The following KCNMB4 variants were observed in gnomAD, a reference collection of about 807,000 sequenced individuals.
KCNMB4 encodes the protein calcium-activated potassium channel subunit beta-4.
A neutral mutation model predicts 20.7 loss-of-function variants in KCNMB4; 3 were observed. The ratio of observed to expected loss-of-function variants is 0.14; its 90% CI spans 0.07 to 0.37. KCNMB4 has a LOEUF of 0.37. Ranked by LOEUF, KCNMB4 falls within the 10% of genes least tolerant of loss-of-function variation. The pLI, the probability that KCNMB4 is intolerant of heterozygous loss-of-function variation, is 1.00. For synonymous variants in KCNMB4, 110 were observed against 113.4 expected, an observed-to-expected ratio of 0.97 and a Z score of 0.19; for missense variants, 168 against 265.9, an observed-to-expected ratio of 0.63 and a Z score of 2.56.
In KCNMB4 at chr12:70,429,385, G is replaced by A. The variant is rs181000443; in HGVS notation, c.465-1100G>A. ...TCTTGTATTAAAAAGTTAAAATTCC[G>A]GCCGGGTGCGGTGACTCACGCCTGT... is the stretch of plus-strand genomic sequence containing the variant. On this transcript the variant is annotated intron_variant, in intron 2 of 2. Coordinates refer to ENST00000258111, the MANE Select transcript of KCNMB4 (RefSeq NM_014505.6). Among the ~76,000 whole-genome samples the A allele has an allele frequency of 8.7e-4, 132 of 152,170 alleles. 1 individual carries two copies. The highest frequency in any genetic ancestry group is 2.8e-3 in the African/African-American group (118 of 41,510).
At chr12:70,397,776 A>C (rs567189014) in intron 1 of KCNMB4, among the ~76,000 whole-genome samples, 18 of 152,324 alleles carry the variant, frequency 1.2e-4, no homozygotes, top group Admixed American at 1.2e-3. Flanking sequence ...AAATATTTAA[A>C]ATCTGTTTTG....
chr12:70,386,901 G>A (rs149536107), intron 1 of KCNMB4, among the ~76,000 whole-genome samples: 101 of 152,228 alleles, frequency 6.6e-4, no homozygotes, highest in African/African-American at 2.3e-3. Flanking sequence ...AGATATTTTG[G>A]TTAGTGAAAG....
rs1379749132 is a variant in KCNMB4 at position 70,430,605 on chromosome 12, G to A, written c.585G>A (p.Lys195=). The change falls in exon 3 of 3, where the codon AAG becomes AAA. Residue 195 remains lysine (K), a synonymous_variant. Transcript: ENST00000258111. The part of the protein sequence containing the change: ...VLIVVLTICA[K]SLAVKAEAMK... ...TTGTGGTCCTGACCATCTGTGCCAA[G>A]AGCTTGGCGGTCAAGGCGGAAGCCA... 7.4e-6 allele frequency: 12 copies of A among 1,613,050 alleles called. No homozygotes were observed. The highest frequency in any genetic ancestry group is 1.1e-5 in the South Asian group (1 of 90,664).
At chr12:70,410,025 A>G (rs539589655) in intron 2 of KCNMB4, among the ~76,000 whole-genome samples, 2 of 152,290 alleles carry the variant, frequency 1.3e-5, no homozygotes, top group African/African-American at 2.4e-5. Context: ...TCTGTTTCCC[A>G]TACACCTTGA....
intron 2 of KCNMB4, among the ~76,000 whole-genome samples, chr12:70,427,790 C>A (rs573991573): frequency 6.7e-4 from 102 of 152,208 alleles, no homozygotes; most frequent in Middle Eastern, 6.8e-3. Flanking sequence ...CCACCACTGT[C>A]ATCTGGGCTA....
chr12:70,396,120 C>T (rs1296821797), intron 1 of KCNMB4, among the ~76,000 whole-genome samples: 1 of 152,112 alleles, frequency 6.6e-6, no homozygotes, highest in East Asian at 1.9e-4. Flanking sequence ...AATTCCATTC[C>T]AATAAAAATA....
intron 2 of KCNMB4, among the ~76,000 whole-genome samples, chr12:70,422,117 A>C (rs1869082908): frequency 6.6e-6 from 1 of 152,182 alleles, no homozygotes; most frequent in African/African-American, 2.4e-5. Context: ...TGGAACTACA[A>C]AGTAGGTTAA....
intron 2 of KCNMB4, among the ~76,000 whole-genome samples, chr12:70,428,219 C>G (rs1230521053): frequency 6.6e-6 from 1 of 152,114 alleles, no homozygotes; most frequent in Non-Finnish European, 1.5e-5. Flanking sequence ...GTCTTGAACT[C>G]CTCATCTCAA....
chr12:70,413,000 C>G (rs17108123), intron 2 of KCNMB4, among the ~76,000 whole-genome samples: 4 of 152,072 alleles, frequency 2.6e-5, no homozygotes, highest in Admixed American at 6.5e-5. Context: ...GGAATCTTAC[C>G]GAAACCAAGT....
At chr12:70,401,493 A>G (rs1868448872) in intron 2 of KCNMB4, among the ~76,000 whole-genome samples, 1 of 152,214 alleles carries the variant, frequency 6.6e-6, no homozygotes, top group Non-Finnish European at 1.5e-5. Context: ...CTGCCAAGGT[A>G]ATCTTTCTAA....
At chr12:70,416,901 T>C (rs1868926948) in intron 2 of KCNMB4, among the ~76,000 whole-genome samples, 1 of 152,152 alleles carries the variant, frequency 6.6e-6, no homozygotes, top group African/African-American at 2.4e-5. Context: ...AACCGGTGTG[T>C]AATACACTTT....
At chr12:70,384,679 G>A (rs772142817) in intron 1 of KCNMB4, among the ~76,000 whole-genome samples, 4 of 152,140 alleles carry the variant, frequency 2.6e-5, no homozygotes, top group Non-Finnish European at 4.4e-5. Flanking sequence ...GAGGAGAGGA[G>A]TTTGAGGCCA....
At chr12:70,409,992 C>CTGCA (rs1408853301) in intron 2 of KCNMB4, among the ~76,000 whole-genome samples, 1 of 152,206 alleles carries the variant, frequency 6.6e-6, no homozygotes, top group Non-Finnish European at 1.5e-5. Flanking sequence ...TTTATTCCAG[C>CTGCA]TGCATCAGTC....
intron 2 of KCNMB4, among the ~76,000 whole-genome samples, chr12:70,428,662 T>C (rs1037074308): frequency 1.6e-4 from 24 of 152,198 alleles, no homozygotes; most frequent in African/African-American, 5.8e-4. Flanking sequence ...TCTTGAAAAT[T>C]TGCATGGATA....
intron 2 of KCNMB4, among the ~76,000 whole-genome samples, chr12:70,407,217 T>A (rs900982289): frequency 2.6e-5 from 4 of 152,068 alleles, no homozygotes; most frequent in African/African-American, 9.7e-5. Context: ...CAGTTTATTA[T>A]AAAGGACACA....
intron 1 of KCNMB4, among the ~76,000 whole-genome samples, chr12:70,384,873 C>CAAAAA (rs57306622): frequency 7.9e-4 from 59 of 74,290 alleles, no homozygotes; most frequent in African/African-American, 2.8e-3. Context: ...GACCCTGTCT[C>CAAAAA]AAAAAAAAAA....
intron 1 of KCNMB4, among the ~76,000 whole-genome samples, chr12:70,375,406 A>G (rs901149627): frequency 6.6e-6 from 1 of 151,862 alleles, no homozygotes; most frequent in Admixed American, 6.6e-5. Flanking sequence ...AGGTTGAGGC[A>G]GGAGGATTGC....
intron 1 of KCNMB4, among the ~76,000 whole-genome samples, chr12:70,378,294 TACC>T (rs1471056303): frequency 1.3e-5 from 2 of 152,160 alleles, no homozygotes; most frequent in African/African-American, 4.8e-5. Flanking sequence ...TTCCTATTTC[TACC>T]ACATCTGTAG....
rs758534772 is a variant in KCNMB4 at position 70,431,058 on chromosome 12, T to TA, written c.*419dup. On this transcript the variant is annotated 3_prime_UTR_variant, in exon 3 of 3. Coordinates refer to ENST00000258111, the MANE Select transcript of KCNMB4 (RefSeq NM_014505.6). ...TTTTTATGCTTAGAACACCAGGGTT[T>TA]AAAAAAAAAAAAAAGGTGAGGACAT... The TA allele has an allele frequency of 6.5e-3, 922 of 142,012 alleles. 7 individuals are homozygous for TA. Among genetic ancestry groups the TA allele is most frequent in the African/African-American group, 0.019 (732 of 38,870 alleles). 8.8% of individuals were successfully genotyped at this position (142,012 alleles called of 1,614,324 possible). A position where few individuals can be genotyped will look rare whatever the true frequency, so the allele number is the denominator to read the frequency against.
Sources: allele counts gnomAD v4.1 joint callset (sites outside exome capture counted in the v4.1 genomes callset), GRCh38; gene constraint gnomAD v4.1.1; transcripts MANE v1.5; gene names NCBI Gene and HGNC (gene_info 2026-07-23, HGNC 2026-07-21).